Variants in FBXL16 observed in about 807,000 individuals in gnomAD.
The protein encoded by FBXL16 is F-box/LRR-repeat protein 16.
FBXL16 carries 7 observed loss-of-function variants against 36.7 expected under a neutral mutation model. The ratio of observed to expected loss-of-function variants is 0.19; its 90% CI spans 0.11 to 0.36. FBXL16 has a LOEUF of 0.36. Among genes scored for constraint, FBXL16 ranks in the 10% least tolerant of loss-of-function variants. FBXL16 has a pLI of 1.00. For missense variants in FBXL16, 463 were observed against 659.4 expected, an observed-to-expected ratio of 0.70 and a Z score of 3.26; for synonymous variants, 355 against 308.7, an observed-to-expected ratio of 1.15 and a Z score of -1.57.
rs61539308 is a variant in FBXL16 at position 705,160 on chromosome 16, G to T, written c.-15+352C>A. Among the ~76,000 whole-genome samples the T allele has an allele frequency of 7.7e-3, 1,173 of 152,272 alleles. 11 individuals are homozygous for T. The highest frequency in any genetic ancestry group is 0.027 in the African/African-American group (1,104 of 41,560). ...TAACGGTCTCTGGCCTGTCACTTCG[G>T]TCCGGGGGCGCCCTCTGAGCCGACC... On this transcript the variant is annotated intron_variant, in intron 1 of 5. Coordinates refer to ENST00000397621, the MANE Select transcript of FBXL16 (RefSeq NM_153350.4).
Position 695,714 on chromosome 16 carries a change from C to T in FBXL16, c.843G>A (p.Thr281=), listed in dbSNP as rs1458530871. ...CCGTGAAGTAGGCCAGCGCCGTGTC[C>T]GTCACGTGGTAGGCCTGCAGGCTCA... The part of the protein sequence containing the change: ...AELSLQAYHV[T]DTALAYFTAR... The change falls in exon 3 of 6, where the codon ACG becomes ACA. Residue 281 remains threonine, a synonymous_variant. Transcript: ENST00000397621. The T allele has an allele frequency of 1.2e-6, 2 of 1,604,266 alleles. No individual in the cohort carries two copies. Among genetic ancestry groups the T allele is most frequent in the Non-Finnish European group, 1.7e-6 (2 of 1,178,888 alleles).
At chr16:705,054 G>A (rs1402683491) in intron 1 of FBXL16, among the ~76,000 whole-genome samples, 1 of 152,140 alleles carries the variant, frequency 6.6e-6, no homozygotes, top group Non-Finnish European at 1.5e-5. Context: ...CAGTAGCTCA[G>A]CGCAGGCCCC....
At chr16:695,353 C>CGTGCA in intron 3 of FBXL16, 62 bp downstream of exon 3, 1 of 1,119,140 alleles carries the variant, frequency 8.9e-7, no homozygotes, top group Non-Finnish European at 1.1e-6. Context: ...AGCCCCGCCC[C>CGTGCA]GCCCCGCCCC....
chr16:697,142 G>A lies in FBXL16; in HGVS notation c.264C>T (p.His88=), dbSNP rs2040019741. ...TGGCCAGCGGCGGCCGCTCCGCTGGGTGCCCAGGTGCCAAGGCTGAGGCTG... is the reference window on the plus strand; with the variant it reads ...TGGCCAGCGGCGGCCGCTCCGCTGGATGCCCAGGTGCCAAGGCTGAGGCTG... ...GGPASALAPG[H]PAERPPLATD... is the part of the protein sequence containing the mutation. Residue 88 remains histidine (H), a synonymous_variant, in exon 2 of 6, where the codon CAC becomes CAT. Transcript: ENST00000397621. This position sits in a 1 kb window ranked among gnomAD's most constrained non-coding sequence, Gnocchi z 4.6. 1 of 1,598,574 alleles carries A rather than the reference G, an allele frequency of 6.3e-7. No individual in the cohort carries two copies. The highest frequency in any genetic ancestry group is 1.3e-5 in the African/African-American group (1 of 74,596).
In FBXL16 at chr16:695,433, T is replaced by C; in HGVS notation, c.1124A>G (p.Glu375Gly). 1 of 1,542,246 alleles carries C rather than the reference T, an allele frequency of 6.5e-7. No individual in the cohort carries two copies. The highest frequency in any genetic ancestry group is 8.7e-7 in the Non-Finnish European group (1 of 1,150,528). ...CGCGCACCTGTCGAGCACGAGCTCC[T>C]CTAGGCGGTGCAGGTCGCAGGCCAC... ...EYVACDLHRL[E>G]ELVLDRCVRI... Residue 375 changes from glutamate (E) to glycine (G), a missense_variant, in exon 3 of 6, where the codon GAG becomes GGG. By Grantham distance (98) the Glu-to-Gly change is moderately conservative. Transcript: ENST00000397621.
rs972053295 is a variant in FBXL16, at chr16:692,588, T to G, written c.*1687A>C. The G allele has an allele frequency of 6.6e-6, 1 of 152,498 alleles. No individual in the cohort carries two copies. The highest frequency in any genetic ancestry group is 2.4e-5 in the African/African-American group (1 of 41,472). The allele number at this position is 152,498 out of a possible 1,614,324, so 9.4% of individuals were successfully genotyped here. A position where few individuals can be genotyped will look rare whatever the true frequency, so the allele number is the denominator to read the frequency against. On this transcript the variant is annotated 3_prime_UTR_variant, in exon 6 of 6. Coordinates refer to ENST00000397621, the MANE Select transcript of FBXL16 (RefSeq NM_153350.4). Reference sequence around the variant, plus strand: ...AACACTTACCAAATATAAGGTTATATCTTCCGCATATACAGGAGAATGAGG... The same window carrying G: ...AACACTTACCAAATATAAGGTTATAGCTTCCGCATATACAGGAGAATGAGG...
chr16:696,323 T>C (rs1334075994), intron 2 of FBXL16, among the ~76,000 whole-genome samples: 3 of 152,122 alleles, frequency 2.0e-5, no homozygotes, highest in Non-Finnish European at 2.9e-5. Context: ...TGCAGTGGCA[T>C]GATCTCAGCT....
chr16:695,974 C>G, intron 2 of FBXL16, 51 bp from the exon 3 acceptor site: 1 of 1,533,168 alleles, frequency 6.5e-7, no homozygotes, highest in Non-Finnish European at 8.8e-7. Flanking sequence ...GGGTGGAGCC[C>G]GCAGGGAGGA....
chr16:702,467 G>A (rs2040064586), intron 1 of FBXL16, among the ~76,000 whole-genome samples: 1 of 152,174 alleles, frequency 6.6e-6, no homozygotes, highest in Non-Finnish European at 1.5e-5. Context: ...GAGGACTCTT[G>A]AGGACAGACA....
In FBXL16 at chr16:694,646, G is replaced by C; in HGVS notation, c.1279C>G (p.Leu427Val). The C allele has an allele frequency of 6.2e-7, 1 of 1,610,230 alleles. No individual in the cohort carries two copies. The highest frequency in any genetic ancestry group is 8.5e-7 in the Non-Finnish European group (1 of 1,178,640). Residue 427 changes from leucine (L) to valine (V), a missense_variant, in exon 5 of 6, where the codon CTG (leucine) becomes GTG (valine). Leu to Val is a conservative substitution (Grantham distance 32, BLOSUM62 1). Transcript: ENST00000397621. ...ACGGGGGTCTCACCTGCCAGAGACA[G>C]GAGGCGCAAACTCCCCAGGGCCAGG... is the stretch of plus-strand genomic sequence containing the variant. Reference protein sequence around the residue: ...HLLALGSLRLLSLAGCPLLTT... With the variant: ...HLLALGSLRLVSLAGCPLLTT...
chr16:696,281 C>G (rs2040010915), intron 2 of FBXL16, among the ~76,000 whole-genome samples: 1 of 151,608 alleles, frequency 6.6e-6, no homozygotes, highest in African/African-American at 2.4e-5. Context: ...TGAGACAGAG[C>G]CTTACTCTGT....
chr16:697,397 G>T lies in FBXL16; in HGVS notation c.9C>A (p.Ser3Arg). Residue 3 changes from serine to arginine, a missense_variant, in exon 2 of 6, where the codon AGC becomes AGA. Physicochemically the swap from Ser to Arg is moderately radical, Grantham distance 110. Transcript: ENST00000397621. The surrounding 1 kb of genome is among the most constrained non-coding windows in gnomAD (Gnocchi z 4.6). MS[S>R]PGIDGDPKPP... ...GCTTGGGGTCGCCGTCGATGCCCGG[G>T]CTCGACATCTTCCTGGCACGCTCTG... is the stretch of plus-strand genomic sequence containing the variant. 1 of 1,534,730 alleles carries T rather than the reference G, an allele frequency of 6.5e-7. No individual in the cohort carries two copies. Among genetic ancestry groups the T allele is most frequent in the Non-Finnish European group, 8.7e-7 (1 of 1,146,564 alleles).
intron 1 of FBXL16, among the ~76,000 whole-genome samples, chr16:700,547 C>T (rs930501721): frequency 2.0e-5 from 3 of 152,184 alleles, no homozygotes; most frequent in Non-Finnish European, 4.4e-5. Context: ...GAATTTGCCC[C>T]AGGTGTCCGG....
chr16:698,391 A>G (rs1156473887), intron 1 of FBXL16, among the ~76,000 whole-genome samples: 1 of 152,104 alleles, frequency 6.6e-6, no homozygotes, highest in Non-Finnish European at 1.5e-5. Context: ...CAGAGAAGAA[A>G]ATGGAGGTGG....
chr16:696,246 T>TATTC lies in FBXL16; in HGVS notation c.634-327_634-324dup, dbSNP rs146961592. Among the ~76,000 whole-genome samples the TATTC allele has an allele frequency of 3.9e-3, 593 of 150,552 alleles. 1 individual carries two copies. Among genetic ancestry groups the TATTC allele is most frequent in the Admixed American group, 8.1e-3 (122 of 15,018 alleles). On this transcript the variant is annotated intron_variant, in intron 2 of 5. Coordinates refer to ENST00000397621, the MANE Select transcript of FBXL16 (RefSeq NM_153350.4). ...ATTTGTATTTATTTATTTATTTATT[T>TATTC]ATTCATTCATTCATTCAATCATTTT...
At chr16:699,297 CTG>C (rs1345658963) in intron 1 of FBXL16, among the ~76,000 whole-genome samples, 4 of 152,258 alleles carry the variant, frequency 2.6e-5, no homozygotes, top group African/African-American at 9.6e-5. Flanking sequence ...GGCCTCCAGT[CTG>C]TAAGTGGGTG....
intron 3 of FBXL16, 82 bp downstream of exon 3, chr16:695,333 G>GGCCCCGTGCAGCCCCGCCCCGCCCCGC (rs2040002569): frequency 2.0e-6 from 2 of 990,452 alleles, no homozygotes; most frequent in African/African-American, 3.7e-5. Flanking sequence ...CCCCGCCCCC[G>GGCCCCGTGCAGCCCCGCCCCGCCCCGC]GCCCCGTGCA....
chr16:696,487 C>T (rs115819847), intron 2 of FBXL16, among the ~76,000 whole-genome samples: 1,765 of 152,270 alleles, frequency 0.012, 43 homozygotes, highest in African/African-American at 0.04. Context: ...TGGTCATGAA[C>T]GCCTAACCTC....
chr16:695,382 C>T (rs1203986747), intron 3 of FBXL16, 33 bp downstream of exon 3: 1 of 1,467,140 alleles, frequency 6.8e-7, no homozygotes, highest in Non-Finnish European at 9.0e-7. Context: ...CCGCCCGGCC[C>T]AGCCCCGCCC....
Sources: allele counts gnomAD v4.1 joint callset (sites outside exome capture counted in the v4.1 genomes callset), GRCh38; gene constraint gnomAD v4.1.1; non-coding constraint Gnocchi (gnomAD v3.1); transcripts MANE v1.5; gene names NCBI Gene and HGNC (gene_info 2026-07-23, HGNC 2026-07-21).